The following SRPK2 variants were observed in gnomAD, a reference collection of about 807,000 sequenced individuals.
The protein encoded by SRPK2 is SFRS protein kinase 2.
Under a neutral mutation model 90.8 loss-of-function variants are expected in SRPK2, and 21 were observed. The observed-to-expected ratio is 0.23, with a 90% CI of 0.16 to 0.33. SRPK2 has a LOEUF of 0.33. Among genes scored for constraint, SRPK2 ranks in the 10% least tolerant of loss-of-function variants. SRPK2 has a pLI of 1.00. For missense variants in SRPK2, 620 were observed against 869.0 expected (o/e 0.71, Z 3.60); for synonymous variants, 288 against 311.1 (o/e 0.93, Z 0.78).
At chr7:105,302,678 T>A (rs11761429) in intron 2 of SRPK2, among the ~76,000 whole-genome samples, 19,901 of 152,042 alleles carry the variant, frequency 0.13, 1,719 homozygotes, top group East Asian at 0.26. Flanking sequence ...CTATTTATAT[T>A]TTTCTCTTGA....
chr7:105,301,601 G>C (rs1380637723), intron 2 of SRPK2: 14 of 1,605,560 alleles, frequency 8.7e-6, no homozygotes, highest in Middle Eastern at 2.3e-4. Context: ...CGGGAATTAA[G>C]TTCAGTTTCT....
At chr7:105,391,405 A>G (rs545143214), upstream of SRPK2, among the ~76,000 whole-genome samples, 29 of 152,214 alleles carry the variant, frequency 1.9e-4, no homozygotes, top group Non-Finnish European at 3.4e-4. Context: ...GGGTTTCTCC[A>G]TGTTGGTCAG....
In SRPK2 at chr7:105,134,222, A is replaced by G. The variant is rs577484333; in HGVS notation, c.1544-1118T>C. On this transcript the variant is annotated intron_variant, in intron 11 of 15. Transcript: ENST00000393651. ...ATGTCGAATTGTAATCCCTAGTGTT[A>G]GAAGAGGGGCCTGGTGAGAGGTGAC... Among the ~76,000 whole-genome samples, 36 of 152,284 alleles carry G rather than the reference A, an allele frequency of 2.4e-4. 1 individual carries two copies. The highest frequency in any genetic ancestry group is 3.4e-3 in the Middle Eastern group (1 of 294).
chr7:105,370,609 TTTC>T (rs962723465), intron 2 of SRPK2, among the ~76,000 whole-genome samples: 75 of 131,442 alleles, frequency 5.7e-4, no homozygotes, highest in African/African-American at 1.8e-3. Flanking sequence ...ATTAATTTTT[TTTC>T]TTTCTTTTTT....
chr7:105,377,818 A>T (rs528233615), intron 2 of SRPK2, among the ~76,000 whole-genome samples: 119 of 152,344 alleles, frequency 7.8e-4, no homozygotes, highest in Middle Eastern at 3.4e-3. Flanking sequence ...TAGCTAATTC[A>T]GAAACATGGA....
At position 105,143,342 on chromosome 7, in the gene SRPK2, A is replaced by G. The variant is rs763982125; in HGVS notation, c.814-12T>C. The G allele has an allele frequency of 1.1e-5, 17 of 1,607,820 alleles. No homozygotes were observed. The highest frequency in any genetic ancestry group is 1.4e-5 in the Non-Finnish European group (17 of 1,179,298). ...GATATTTTTCCTATCTATGTTAAGG[A>G]AAGACCACAGGTCAGTATTCTTCTT... On this transcript the variant is annotated splice_polypyrimidine_tract_variant and intron_variant, in intron 9 of 15. Transcript: ENST00000393651.
At chr7:105,195,054 G>GT (rs1390968517) in intron 3 of SRPK2, among the ~76,000 whole-genome samples, 6 of 152,096 alleles carry the variant, frequency 3.9e-5, no homozygotes, top group Middle Eastern at 3.2e-3. Flanking sequence ...TTTATTTTTT[G>GT]TTTTTATTTT....
chr7:105,390,607 G>GT (rs869259356), upstream of SRPK2, among the ~76,000 whole-genome samples: 2,733 of 108,976 alleles, frequency 0.025, 285 homozygotes, highest in African/African-American at 0.097. Context: ...TTTTGTTTTT[G>GT]TTTTTTTTTT....
intron 2 of SRPK2, among the ~76,000 whole-genome samples, chr7:105,253,612 TG>T: frequency 6.6e-6 from 1 of 152,158 alleles, no homozygotes; most frequent in East Asian, 1.9e-4. Context: ...TGCTGTTTCC[TG>T]GAATACTATT....
intron 11 of SRPK2, among the ~76,000 whole-genome samples, chr7:105,135,544 G>A (rs1802680726): frequency 6.6e-6 from 1 of 152,222 alleles, no homozygotes; most frequent in South Asian, 2.1e-4. Flanking sequence ...GACATATTGT[G>A]GTCCTCCTGA....
At chr7:105,153,730 C>CCTA (rs1806095572) in intron 7 of SRPK2, among the ~76,000 whole-genome samples, 1 of 152,198 alleles carries the variant, frequency 6.6e-6, no homozygotes, top group Non-Finnish European at 1.5e-5. Flanking sequence ...TCTGTCTCCT[C>CCTA]CTACTCTGTG....
chr7:105,321,633 C>T (rs750856982), intron 2 of SRPK2, among the ~76,000 whole-genome samples: 6 of 151,590 alleles, frequency 4.0e-5, no homozygotes, highest in Admixed American at 6.6e-5. Context: ...ATAAAATGAG[C>T]GAAAGATTTT....
At chr7:105,138,885 C>T (rs1803278944) in intron 11 of SRPK2, among the ~76,000 whole-genome samples, 2 of 152,212 alleles carry the variant, frequency 1.3e-5, no homozygotes, top group South Asian at 4.1e-4. Flanking sequence ...ATTCATCTCT[C>T]AGAAGATGAA....
At chr7:105,248,140 A>G in intron 2 of SRPK2, among the ~76,000 whole-genome samples, 1 of 152,184 alleles carries the variant, frequency 6.6e-6, no homozygotes, top group East Asian at 1.9e-4. Context: ...GGCGTGAGCC[A>G]CTGCGCCCAG....
intron 14 of SRPK2, 94 bp from the exon 15 acceptor site, chr7:105,126,434 C>T (rs1801220253): frequency 6.4e-6 from 6 of 930,318 alleles, no homozygotes; most frequent in Non-Finnish European, 1.0e-5. Context: ...AGTAAAAAAT[C>T]AGAAATAGAT....
intron 2 of SRPK2, among the ~76,000 whole-genome samples, chr7:105,279,582 C>T (rs889563400): frequency 6.6e-6 from 1 of 152,188 alleles, no homozygotes; most frequent in Non-Finnish European, 1.5e-5. Flanking sequence ...CATGGATACA[C>T]TAAAACCTCA....
At chr7:105,199,898 A>T (rs1055729637) in intron 3 of SRPK2, among the ~76,000 whole-genome samples, 8 of 1,934 alleles carry the variant, frequency 4.1e-3, no homozygotes, top group African/African-American at 0.012. Context: ...GTTTAATTTA[A>T]AAAAAAAAAA....
intron 2 of SRPK2, among the ~76,000 whole-genome samples, chr7:105,296,073 A>G (rs745421410): frequency 2.4e-5 from 3 of 126,552 alleles, no homozygotes; most frequent in Non-Finnish European, 3.8e-5. Flanking sequence ...TATGGACCTT[A>G]TTTTCTCCTA....
intron 3 of SRPK2, among the ~76,000 whole-genome samples, chr7:105,184,209 C>T (rs62488070): frequency 0.013 from 1,924 of 151,706 alleles, 32 homozygotes; most frequent in Admixed American, 0.04. Flanking sequence ...GAACTCCTGA[C>T]CTCAAATGAT....
Sources: allele counts gnomAD v4.1 joint callset (sites outside exome capture counted in the v4.1 genomes callset), GRCh38; gene constraint gnomAD v4.1.1; transcripts MANE v1.5; gene names NCBI Gene and HGNC (gene_info 2026-07-23, HGNC 2026-07-21).